The following ZC3H12B variants were observed in gnomAD, a reference collection of about 807,000 sequenced individuals.
ZC3H12B encodes the protein zinc finger CCCH-type containing 12B.
In ZC3H12B, 7 loss-of-function variants were observed where a neutral mutation model predicts 43.9. That is an observed-to-expected ratio of 0.16 (90% CI 0.09 to 0.30). The LOEUF (loss-of-function observed/expected upper bound fraction) is 0.30. Among genes scored for constraint, ZC3H12B ranks in the 10% least tolerant of loss-of-function variants. The pLI, the probability that ZC3H12B is intolerant of heterozygous loss-of-function variation, is 1.00. For missense variants in ZC3H12B, 475 were observed against 670.2 expected, an observed-to-expected ratio of 0.71 and a Z score of 3.22; for synonymous variants, 222 against 241.7, an observed-to-expected ratio of 0.92 and a Z score of 0.76.
chrX:65,157,882 A>G, the ZC3H12B span, among the ~76,000 whole-genome samples: 1 of 101,064 alleles, frequency 9.9e-6, no homozygotes. Flanking sequence ...TTAACTCGTC[A>G]TTTAGCATTA....
At chrX:65,151,542 G>T in the ZC3H12B span, among the ~76,000 whole-genome samples, 2 of 111,790 alleles carry the variant, frequency 1.8e-5, no homozygotes, top group Admixed American at 9.6e-5. Flanking sequence ...TAATTACTCA[G>T]ATTACCAAGG....
intron 2 of ZC3H12B, among the ~76,000 whole-genome samples, chrX:65,392,781 G>A (rs1023826045): frequency 1.8e-5 from 2 of 113,201 alleles, no homozygotes; most frequent in Admixed American, 9.3e-5. Context: ...CCATGATGAC[G>A]ATGGCAGTTT....
At chrX:65,275,465 G>C in the ZC3H12B span, among the ~76,000 whole-genome samples, 57 of 113,054 alleles carry the variant, frequency 5.0e-4, no homozygotes, top group Non-Finnish European at 9.7e-4. Context: ...AAAGTTGACT[G>C]ACCCACTATC....
intron 3 of ZC3H12B, among the ~76,000 whole-genome samples, chrX:65,410,101 A>T (rs1171823980): frequency 2.2e-5 from 2 of 92,001 alleles, no homozygotes; most frequent in Non-Finnish European, 3.9e-5. Flanking sequence ...TACTGGTATT[A>T]AATCAGAAAA....
the ZC3H12B span, among the ~76,000 whole-genome samples, chrX:65,241,593 G>T: frequency 2.7e-5 from 3 of 111,926 alleles, no homozygotes; most frequent in African/African-American, 6.5e-5. Context: ...GTCTGGCCAT[G>T]ATCTGGCACA....
the ZC3H12B span, among the ~76,000 whole-genome samples, chrX:65,118,268 G>T: frequency 8.1e-5 from 9 of 111,428 alleles, no homozygotes; most frequent in African/African-American, 2.0e-4. Context: ...TCCTTGAAGA[G>T]GTCCTTGACA....
At chrX:65,059,224 C>G in the ZC3H12B span, among the ~76,000 whole-genome samples, 3 of 71,286 alleles carry the variant, frequency 4.2e-5, no homozygotes, top group Non-Finnish European at 7.3e-5. Flanking sequence ...GAACCACCCC[C>G]CCCCCGCCCC....
At chrX:65,103,067 G>A in the ZC3H12B span, among the ~76,000 whole-genome samples, 1 of 111,451 alleles carries the variant, frequency 9.0e-6, no homozygotes. Context: ...GACAGGGTTT[G>A]AGAGTAGAAA....
At chrX:65,379,005 C>T (rs1043723234) in intron 2 of ZC3H12B, among the ~76,000 whole-genome samples, 20 of 112,425 alleles carry the variant, frequency 1.8e-4, no homozygotes, top group African/African-American at 6.1e-4. Context: ...TGCGATCAAA[C>T]TGCAAGGCAG....
chrX:65,128,869 CTT>C, the ZC3H12B span, among the ~76,000 whole-genome samples: 1 of 111,572 alleles, frequency 9.0e-6, no homozygotes, highest in Non-Finnish European at 1.9e-5. Flanking sequence ...GGCACTCCTG[CTT>C]TCCATTGGTT....
the ZC3H12B span, among the ~76,000 whole-genome samples, chrX:65,157,197 T>C: frequency 9.0e-6 from 1 of 111,228 alleles, no homozygotes; most frequent in Non-Finnish European, 1.9e-5. Flanking sequence ...CCCAGGCTGG[T>C]CTCAGACTTC....
intron 2 of ZC3H12B, among the ~76,000 whole-genome samples, chrX:65,378,772 G>A (rs1335767343): frequency 1.8e-5 from 2 of 112,735 alleles, no homozygotes; most frequent in Non-Finnish European, 3.8e-5. Flanking sequence ...TGCCAAAGCA[G>A]GGTGAGGCAT....
the ZC3H12B span, among the ~76,000 whole-genome samples, chrX:65,113,323 A>T: frequency 8.9e-6 from 1 of 111,773 alleles, no homozygotes; most frequent in Non-Finnish European, 1.9e-5. Context: ...AAGATTTAGA[A>T]TATTATGTAA....
chrX:65,235,241 C>A, the ZC3H12B span, among the ~76,000 whole-genome samples: 28 of 111,419 alleles, frequency 2.5e-4, no homozygotes, highest in South Asian at 3.8e-3. Context: ...AATGGTATTT[C>A]TGCCTCTAGA....
intron 2 of ZC3H12B, among the ~76,000 whole-genome samples, chrX:65,380,643 A>C (rs1384673548): frequency 8.9e-6 from 1 of 112,076 alleles, no homozygotes; most frequent in Non-Finnish European, 1.9e-5. Flanking sequence ...AAATGCTCCA[A>C]TTAAAAGACA....
intron 2 of ZC3H12B, among the ~76,000 whole-genome samples, chrX:65,497,792 C>A (rs1165680855): frequency 8.9e-6 from 1 of 112,495 alleles, no homozygotes; most frequent in Non-Finnish European, 1.9e-5. Flanking sequence ...TTATTTTCTT[C>A]TCACATCAGA....
At chrX:65,308,403 A>T in the ZC3H12B span, among the ~76,000 whole-genome samples, 8 of 111,497 alleles carry the variant, frequency 7.2e-5, no homozygotes, top group East Asian at 2.0e-3. Context: ...ACCATTACAT[A>T]ATGGTAAAGG....
At chrX:65,105,962 A>G in the ZC3H12B span, among the ~76,000 whole-genome samples, 1 of 111,764 alleles carries the variant, frequency 8.9e-6, no homozygotes, top group East Asian at 2.8e-4. Flanking sequence ...CTGGCATTTT[A>G]TTCTTATTAT....
intron 3 of ZC3H12B, among the ~76,000 whole-genome samples, chrX:65,428,565 G>C (rs1214562709): frequency 8.9e-6 from 1 of 112,609 alleles, no homozygotes; most frequent in African/African-American, 3.2e-5. Flanking sequence ...ATTTATGATT[G>C]CATTGTGAAG....
Sources: gnomAD v4.1 joint callset for allele counts (sites outside exome capture counted in the v4.1 genomes callset) on GRCh38, gnomAD v4.1.1 for gene constraint, MANE v1.5 for transcripts, NCBI Gene and HGNC (gene_info 2026-07-23, HGNC 2026-07-21) for gene names.